Variants in CFHR1 observed in about 807,000 individuals in gnomAD.
CFHR1 encodes complement factor H-related protein 1.
In CFHR1, 22 loss-of-function variants were observed where a neutral mutation model predicts 30.4. The ratio of observed to expected loss-of-function variants is 0.72; its 90% CI spans 0.52 to 1.03. The LOEUF (loss-of-function observed/expected upper bound fraction) is 1.03. Ranked by LOEUF, CFHR1 falls within the 50% of genes least tolerant of loss-of-function variation. The pLI is 0.00. For synonymous variants in CFHR1, 95 were observed against 129.1 expected (o/e 0.74, Z 1.79); for missense variants, 248 against 380.6 (o/e 0.65, Z 2.90).
Position 196,831,812 on chromosome 1 carries a change from C to T in CFHR1, c.806C>T (p.Ser269Phe). The change falls in exon 6 of 6, where the codon TCC becomes TTC. Residue 269 changes from serine (S) to phenylalanine (F), a missense_variant. Physicochemically the swap from Ser to Phe is radical, Grantham distance 155. Transcript: ENST00000320493. The stretch of plus-strand genomic sequence containing the variant: ...TTATTTTCAGATCCGTGTGTAATAT[C>T]CCGAGAAATTATGGAAAATTATAAC... Reference protein sequence around the residue: ...PPKCLHPCVISREIMENYNIA... With the variant: ...PPKCLHPCVIFREIMENYNIA... The T allele has an allele frequency of 6.6e-7, 1 of 1,524,320 alleles. No homozygotes were observed. The highest frequency in any genetic ancestry group is 8.9e-7 in the Non-Finnish European group (1 of 1,128,766). 94.4% of individuals were successfully genotyped at this position (1,524,320 alleles called of 1,614,324 possible).
At position 196,821,758 on chromosome 1, in the gene CFHR1, TG is replaced by T; in HGVS notation, c.58+1857del. ...GTGAGTGAGTGTGTGTGTGTGTGTGTGTGTGTGTGTATAAACAGTCATGCAT... is the reference window on the plus strand; with the variant it reads ...GTGAGTGAGTGTGTGTGTGTGTGTGTTGTGTGTGTATAAACAGTCATGCAT... On this transcript the variant is annotated intron_variant, in intron 1 of 5. Coordinates refer to ENST00000320493, the MANE Select transcript of CFHR1 (RefSeq NM_002113.3). 2.1e-5 allele frequency among the ~76,000 whole-genome samples: 2 copies of T among 97,286 alleles called. 1 individual carries two copies. Among genetic ancestry groups the T allele is most frequent in the Non-Finnish European group, 3.9e-5 (2 of 50,832 alleles). The allele number at this position is 97,286 out of a possible 152,430, so 63.8% of individuals were successfully genotyped here.
Position 196,827,242 on chromosome 1 carries a change from G to T in CFHR1, c.430+237G>T, listed in dbSNP as rs544708004. Among the ~76,000 whole-genome samples the T allele has an allele frequency of 5.2e-5, 7 of 135,078 alleles. 2 individuals carry two copies. The highest frequency in any genetic ancestry group is 3.6e-4 in the Admixed American group (5 of 14,020). 88.6% of individuals were successfully genotyped at this position (135,078 alleles called of 152,430 possible). A position where few individuals can be genotyped will look rare whatever the true frequency, so the allele number is the denominator to read the frequency against. ...TAGCATCATCATCTCCTTGGAGATT[G>T]TTTGAAATGAAAATACAATTCCATA... On this transcript the variant is annotated intron_variant, in intron 3 of 5. Coordinates refer to ENST00000320493, the MANE Select transcript of CFHR1 (RefSeq NM_002113.3).
Position 196,831,932 on chromosome 1 carries a change from G to T in CFHR1, c.926G>T (p.Arg309Leu), listed in dbSNP as rs1655578648. The change falls in exon 6 of 6, where the codon CGT becomes CTT. Residue 309 changes from arginine (R) to leucine (L), a missense_variant. By Grantham distance (102) the Arg-to-Leu change is moderately radical. Transcript: ENST00000320493. The part of the protein sequence containing the change: ...VCKRGYRLSS[R>L]SHTLRTTCWD... ...AAACGGGGATATCGTCTTTCATCAC[G>T]TTCTCACACATTGCGAACAACATGT... 1 of 1,525,242 alleles carries T rather than the reference G, an allele frequency of 6.6e-7. No individual in the cohort carries two copies. The highest frequency in any genetic ancestry group is 8.9e-7 in the Non-Finnish European group (1 of 1,129,102). The allele number at this position is 1,525,242 out of a possible 1,614,324, so 94.5% of individuals were successfully genotyped here. A position where few individuals can be genotyped will look rare whatever the true frequency, so the allele number is the denominator to read the frequency against.
In CFHR1 at chr1:196,823,683, A is replaced by C. The variant is rs566171163; in HGVS notation, c.59-1794A>C. Among the ~76,000 whole-genome samples, 52 of 136,196 alleles carry C rather than the reference A, an allele frequency of 3.8e-4. 12 individuals are homozygous for C. The highest frequency in any genetic ancestry group is 1.5e-3 in the African/African-American group (47 of 32,134). The allele number at this position is 136,196 out of a possible 152,430, so 89.3% of individuals were successfully genotyped here. ...AAGGTGAAAAATAAAATTATTTCTT[A>C]TGCAGCAGTACTATATTGCAAAAAT... On this transcript the variant is annotated intron_variant, in intron 1 of 5. Coordinates refer to ENST00000320493, the MANE Select transcript of CFHR1 (RefSeq NM_002113.3).
At position 196,829,324 on chromosome 1, in the gene CFHR1, T is replaced by G. The variant is rs1004804124; in HGVS notation, c.607+1078T>G. Among the ~76,000 whole-genome samples, 2 of 135,434 alleles carry G rather than the reference T, an allele frequency of 1.5e-5. 1 individual carries two copies. The highest frequency in any genetic ancestry group is 1.4e-4 in the Admixed American group (2 of 14,096). The allele number at this position is 135,434 out of a possible 152,430, so 88.8% of individuals were successfully genotyped here. A position where few individuals can be genotyped will look rare whatever the true frequency, so the allele number is the denominator to read the frequency against. ...CATTGAGCACCATATTAAACTCATT[T>G]GCTTCAAATATCAAACATAATTGAA... On this transcript the variant is annotated intron_variant, in intron 4 of 5. Transcript: ENST00000320493.
chr1:196,831,927 A>T lies in CFHR1; in HGVS notation c.921A>T (p.Ser307=). Residue 307 remains serine (S), a synonymous_variant, in exon 6 of 6, where the codon TCA becomes TCT. Coordinates refer to ENST00000320493, the MANE Select transcript of CFHR1 (RefSeq NM_002113.3). ...EFVCKRGYRL[S]SRSHTLRTTC... is the part of the protein sequence containing the mutation. ...TGTGTAAACGGGGATATCGTCTTTC[A>T]TCACGTTCTCACACATTGCGAACAA... 1 of 1,525,768 alleles carries T rather than the reference A, an allele frequency of 6.6e-7. No individual in the cohort carries two copies. The highest frequency in any genetic ancestry group is 1.2e-5 in the South Asian group (1 of 80,234). 94.5% of individuals were successfully genotyped at this position (1,525,768 alleles called of 1,614,324 possible).
intron 1 of CFHR1, among the ~76,000 whole-genome samples, chr1:196,824,313 A>G (rs1655237326): frequency 7.5e-6 from 1 of 133,214 alleles, no homozygotes; most frequent in African/African-American, 3.3e-5. Context: ...GCTCGAGTTT[A>G]GTGGCATGAT....
In CFHR1 at chr1:196,831,523, T is replaced by C. The variant is rs191861536; in HGVS notation, c.791-274T>C. ...ATCAAACAAAAGCAGCAATGATAAGTTCTAAAATGCAGGGATCCTAAAATG... is the reference window on the plus strand; with the variant it reads ...ATCAAACAAAAGCAGCAATGATAAGCTCTAAAATGCAGGGATCCTAAAATG... On this transcript the variant is annotated intron_variant, in intron 5 of 5. Coordinates refer to ENST00000320493, the MANE Select transcript of CFHR1 (RefSeq NM_002113.3). Among the ~76,000 whole-genome samples the C allele has an allele frequency of 1.5e-3, 208 of 136,110 alleles. 39 individuals are homozygous for C. Among genetic ancestry groups the C allele is most frequent in the Non-Finnish European group, 2.5e-3 (164 of 64,520 alleles). The allele number at this position is 136,110 out of a possible 152,430, so 89.3% of individuals were successfully genotyped here.
Position 196,832,052 on chromosome 1 carries a change from C to T in CFHR1, c.*53C>T. On this transcript the variant is annotated 3_prime_UTR_variant, in exon 6 of 6. Transcript: ENST00000320493. ...TCAGAACTTTAGTATTAAATCAGTT[C>T]TTAATTTCATTTTTAAGTATTGTTT... is the stretch of plus-strand genomic sequence containing the variant. 1 of 1,440,218 alleles carries T rather than the reference C, an allele frequency of 6.9e-7. No individual in the cohort carries two copies. Among genetic ancestry groups the T allele is most frequent in the Non-Finnish European group, 9.4e-7 (1 of 1,058,560 alleles). The allele number at this position is 1,440,218 out of a possible 1,614,324, so 89.2% of individuals were successfully genotyped here.
In CFHR1 at chr1:196,825,735, A is replaced by T. The variant is rs141741322; in HGVS notation, c.253+64A>T. 2.2e-4 allele frequency: 302 copies of T among 1,395,744 alleles called. 20 individuals are homozygous for T. In the East Asian group the frequency reaches 6.8e-3, roughly 31 times the overall value. 86.5% of individuals were successfully genotyped at this position (1,395,744 alleles called of 1,614,324 possible). ...GTGAATAGAGAAGGATATGCCAGAC[A>T]AGATCATAAGGTCTTGATAATCACA... On this transcript the variant is annotated intron_variant, in intron 2 of 5. Coordinates refer to ENST00000320493, the MANE Select transcript of CFHR1 (RefSeq NM_002113.3).
At chr1:196,827,040 C>G in intron 3 of CFHR1, 35 bp downstream of exon 3, 2 of 1,493,198 alleles carry the variant, frequency 1.3e-6, no homozygotes, top group Non-Finnish European at 1.8e-6. Context: ...ATGCTGTTAT[C>G]TATTATAAAG....
At position 196,830,326 on chromosome 1, in the gene CFHR1, A is replaced by C. The variant is rs1233915147; in HGVS notation, c.608-174A>C. On this transcript the variant is annotated intron_variant, in intron 4 of 5. Transcript: ENST00000320493. ...TCCTTCAGTAAGGAGAAAAGAACTT[A>C]AATATATTACTTTCAGTTTAAAGGA... Among the ~76,000 whole-genome samples, 5 of 135,690 alleles carry C rather than the reference A, an allele frequency of 3.7e-5. 1 individual carries two copies. Among genetic ancestry groups the C allele is most frequent in the Non-Finnish European group, 7.8e-5 (5 of 64,366 alleles). The allele number at this position is 135,690 out of a possible 152,430, so 89.0% of individuals were successfully genotyped here.
In CFHR1 at chr1:196,825,643, A is replaced by T; in HGVS notation, c.225A>T (p.Glu75Asp). ...SFWTRITCTE[E>D]GWSPTPKCLR... Reference sequence around the variant, plus strand: ...GGACTCGCATAACATGCACAGAAGAAGGATGGTCACCAACACCAAAGTGTC... The same window carrying T: ...GGACTCGCATAACATGCACAGAAGATGGATGGTCACCAACACCAAAGTGTC... Residue 75 changes from glutamate (E) to aspartate (D), a missense_variant, in exon 2 of 6, where the codon GAA becomes GAT. Physicochemically the swap from Glu to Asp is conservative, Grantham distance 45. Around this residue, in one of 3 missense-constraint regions of CFHR1, gnomAD observed 121 missense variants for 162.6 expected, o/e 0.74. Coordinates refer to ENST00000320493, the MANE Select transcript of CFHR1 (RefSeq NM_002113.3). 1.3e-6 allele frequency: 2 copies of T among 1,524,764 alleles called. No individual in the cohort carries two copies. Among genetic ancestry groups the T allele is most frequent in the South Asian group, 2.5e-5 (2 of 80,244 alleles). The allele number at this position is 1,524,764 out of a possible 1,614,324, so 94.5% of individuals were successfully genotyped here.
Position 196,830,383 on chromosome 1 carries a change from C to T in CFHR1, c.608-117C>T, listed in dbSNP as rs1192403602. 5.1e-6 allele frequency: 6 copies of T among 1,166,926 alleles called. No individual in the cohort carries two copies. The East Asian group carries it at 1.4e-4, about 28-fold the overall frequency. 72.3% of individuals were successfully genotyped at this position (1,166,926 alleles called of 1,614,324 possible). On this transcript the variant is annotated intron_variant, in intron 4 of 5. Coordinates refer to ENST00000320493, the MANE Select transcript of CFHR1 (RefSeq NM_002113.3). ...TTTCTTCCAGGACTCATTTCTTTTA[C>T]CAGAAATCACAAAACTGTTGATATT... is the stretch of plus-strand genomic sequence containing the variant.
At chr1:196,822,443 G>C (rs1231907788) in intron 1 of CFHR1, among the ~76,000 whole-genome samples, 1 of 100,544 alleles carries the variant, frequency 9.9e-6, no homozygotes, top group Admixed American at 1.0e-4. Context: ...AAACATTGTA[G>C]AGATGTACAA....
chr1:196,830,113 C>A lies in CFHR1; in HGVS notation c.608-387C>A, dbSNP rs1195106801. Among the ~76,000 whole-genome samples the A allele has an allele frequency of 1.5e-5, 2 of 134,992 alleles. 1 individual carries two copies. Among genetic ancestry groups the A allele is most frequent in the African/African-American group, 6.3e-5 (2 of 31,540 alleles). 88.6% of individuals were successfully genotyped at this position (134,992 alleles called of 152,430 possible). On this transcript the variant is annotated intron_variant, in intron 4 of 5. Coordinates refer to ENST00000320493, the MANE Select transcript of CFHR1 (RefSeq NM_002113.3). ...ATACTTTTCCATTTTATAATTCCTA[C>A]GGGATTTTTAAGAACCATCATCAAT...
At chr1:196,826,121 C>T (rs1161349558) in intron 2 of CFHR1, 1 of 146,386 alleles carries the variant, frequency 6.8e-6, no homozygotes, top group Non-Finnish European at 1.4e-5. Flanking sequence ...TATATTAATT[C>T]TCCAATAAAT....
chr1:196,824,153 C>A (rs1174836126), intron 1 of CFHR1, among the ~76,000 whole-genome samples: 1 of 134,824 alleles, frequency 7.4e-6, no homozygotes, highest in African/African-American at 3.2e-5. Context: ...ACGCTACCCA[C>A]CCCCAGCAGA....
rs1254228787 is a variant in CFHR1 at position 196,825,606 on chromosome 1, CA to C, written c.192del (p.Lys64AsnfsTer7). On this transcript the variant is annotated frameshift_variant, in exon 2 of 6. Transcript: ENST00000320493. LOFTEE classifies it high-confidence loss of function. The part of the protein sequence containing the change: ...YSCEYNFVSP[S>X]KSFWTRITCT... ...TGTGAATATAATTTTGTGTCTCCTT[CA>C]AAATCATTTTGGACTCGCATAACAT... 6.6e-7 allele frequency: 1 copy of C among 1,525,206 alleles called. No homozygotes were observed. Among genetic ancestry groups the C allele is most frequent in the Non-Finnish European group, 8.9e-7 (1 of 1,129,160 alleles). 94.5% of individuals were successfully genotyped at this position (1,525,206 alleles called of 1,614,324 possible).
Sources: gnomAD v4.1 joint callset for allele counts (sites outside exome capture counted in the v4.1 genomes callset) on GRCh38, gnomAD v4.1.1 for gene constraint, gnomAD v4.1.1 regional missense constraint, MANE v1.5 for transcripts, NCBI Gene and HGNC (gene_info 2026-07-23, HGNC 2026-07-21) for gene names.